The following CDH13 variants were observed in gnomAD, a reference collection of about 807,000 sequenced individuals.
CDH13 encodes cadherin 13, also known as cadherin-13.
Under a neutral mutation model 63.8 loss-of-function variants are expected in CDH13, and 24 were observed. The ratio of observed to expected loss-of-function variants is 0.38; its 90% CI spans 0.27 to 0.53. The LOEUF (loss-of-function observed/expected upper bound fraction) is 0.53. CDH13 is among the 20% of genes least tolerant of loss of function. CDH13 has a pLI of 0.85. For synonymous variants in CDH13, 503 were observed against 355.3 expected, an observed-to-expected ratio of 1.42 and a Z score of -4.67; for missense variants, 1,049 against 903.1, an observed-to-expected ratio of 1.16 and a Z score of -2.07.
chr16:82,766,191 G>C lies in CDH13; in HGVS notation c.46-92171G>C, dbSNP rs1207031037. Among the ~76,000 whole-genome samples the C allele has an allele frequency of 2.6e-5, 4 of 152,266 alleles. No homozygotes were observed. In the East Asian group the frequency reaches 5.8e-4, roughly 22 times the overall value. On this transcript the variant is annotated intron_variant, in intron 1 of 13. Transcript: ENST00000567109. ...GTCTTCTTTAGGCTTCTGCTAAAAA[G>C]TCTTATTCGTGAGATGTCTAGCGTA...
chr16:83,468,886 G>A (rs900159501), intron 6 of CDH13, among the ~76,000 whole-genome samples: 21 of 152,192 alleles, frequency 1.4e-4, no homozygotes, highest in African/African-American at 1.2e-4. Context: ...AGCCCTGCAC[G>A]CATTAGCCCA....
At chr16:83,696,219 TCTTTC>T (rs1258295239) in intron 10 of CDH13, among the ~76,000 whole-genome samples, 1 of 152,202 alleles carries the variant, frequency 6.6e-6, no homozygotes, top group Non-Finnish European at 1.5e-5. Flanking sequence ...GGGAAACATT[TCTTTC>T]CTTTGTTTTG....
At chr16:83,538,082 T>G (rs1035472831) in intron 7 of CDH13, among the ~76,000 whole-genome samples, 2 of 152,162 alleles carry the variant, frequency 1.3e-5, no homozygotes, top group Non-Finnish European at 2.9e-5. Flanking sequence ...TGCGCTATGT[T>G]TTTGCCAGAC....
At chr16:82,747,571 C>T (rs544442900) in intron 1 of CDH13, among the ~76,000 whole-genome samples, 42 of 150,224 alleles carry the variant, frequency 2.8e-4, no homozygotes, top group African/African-American at 9.1e-4. Context: ...AGGTCCGAAT[C>T]AGAAACTTTG....
intron 1 of CDH13, among the ~76,000 whole-genome samples, chr16:82,661,677 A>G (rs901823779): frequency 2.0e-4 from 30 of 152,232 alleles, no homozygotes; most frequent in African/African-American, 5.8e-4. Flanking sequence ...TTACAAATGT[A>G]TGAACTCGTC....
At chr16:82,775,898 T>C (rs376902258) in intron 1 of CDH13, among the ~76,000 whole-genome samples, 6 of 152,034 alleles carry the variant, frequency 3.9e-5, no homozygotes, top group African/African-American at 1.5e-4. Context: ...GATGGAAGTA[T>C]GAAAGGAGCA....
chr16:82,740,819 T>C lies in CDH13; in HGVS notation c.45+113682T>C, dbSNP rs187190201. Among the ~76,000 whole-genome samples, 281 of 152,268 alleles carry C rather than the reference T, an allele frequency of 1.8e-3. 2 individuals are homozygous for C. The highest frequency in any genetic ancestry group is 6.2e-3 in the South Asian group (30 of 4,820). On this transcript the variant is annotated intron_variant, in intron 1 of 13. Coordinates refer to ENST00000567109, the MANE Select transcript of CDH13 (RefSeq NM_001257.5). ...CAATATCAATGGGGGAACATTCTGT[T>C]TGGAAGAACTTCAAAGCCTCATAGC...
chr16:83,775,326 G>A (rs146618038), intron 11 of CDH13, among the ~76,000 whole-genome samples: 7 of 151,862 alleles, frequency 4.6e-5, no homozygotes, highest in Middle Eastern at 6.8e-3. Context: ...GGAGGCAGGG[G>A]CCATGACCTT....
intron 10 of CDH13, among the ~76,000 whole-genome samples, chr16:83,679,884 C>A (rs1385268776): frequency 6.6e-6 from 1 of 152,062 alleles, no homozygotes; most frequent in East Asian, 1.9e-4. Context: ...ATTGCTGGGA[C>A]AACTTGGGAT....
intron 2 of CDH13, among the ~76,000 whole-genome samples, chr16:82,861,856 T>C (rs1034159201): frequency 1.4e-4 from 21 of 152,336 alleles, no homozygotes; most frequent in South Asian, 2.1e-4. Flanking sequence ...ACCAGTGGGC[T>C]CTTCACTGCA....
intron 9 of CDH13, among the ~76,000 whole-genome samples, chr16:83,675,941 A>T (rs1914916921): frequency 6.6e-6 from 1 of 152,234 alleles, no homozygotes. Flanking sequence ...TTTAGAGCCC[A>T]CTATGGTCCT....
intron 7 of CDH13, among the ~76,000 whole-genome samples, chr16:83,571,692 T>C (rs185973068): frequency 7.9e-5 from 12 of 152,290 alleles, no homozygotes; most frequent in African/African-American, 2.9e-4. Flanking sequence ...GGGTAAAGTT[T>C]ATTCTCCCTT....
intron 4 of CDH13, among the ~76,000 whole-genome samples, chr16:83,204,182 T>A (rs2039115050): frequency 6.6e-6 from 1 of 152,178 alleles, no homozygotes; most frequent in Non-Finnish European, 1.5e-5. Context: ...CTGGGTTGAG[T>A]GCTCCTACCC....
chr16:83,781,172 A>T (rs1320226959), intron 12 of CDH13, among the ~76,000 whole-genome samples: 1 of 152,244 alleles, frequency 6.6e-6, no homozygotes, highest in Admixed American at 6.5e-5. Flanking sequence ...GGTGGAATTC[A>T]AAACTTAACC....
At chr16:83,646,977 C>T (rs1002405576) in intron 8 of CDH13, among the ~76,000 whole-genome samples, 4 of 152,074 alleles carry the variant, frequency 2.6e-5, no homozygotes, top group Non-Finnish European at 5.9e-5. Flanking sequence ...ACACCAGGCA[C>T]CTGGGACTGC....
At chr16:82,751,328 G>A (rs1305254620) in intron 1 of CDH13, among the ~76,000 whole-genome samples, 1 of 151,888 alleles carries the variant, frequency 6.6e-6, no homozygotes, top group Non-Finnish European at 1.5e-5. Flanking sequence ...TTTGTGTTTT[G>A]TAAATGAAGC....
intron 5 of CDH13, among the ~76,000 whole-genome samples, chr16:83,232,812 T>C (rs1368905714): frequency 6.6e-6 from 1 of 152,144 alleles, no homozygotes. Flanking sequence ...ACACAAACCC[T>C]CATATTTAGG....
chr16:83,397,460 T>A (rs999089002), intron 6 of CDH13: 1 of 152,200 alleles, frequency 6.6e-6, no homozygotes, highest in African/African-American at 2.4e-5. Context: ...GTGACTTTTA[T>A]AAGGTCTAGT....
intron 1 of CDH13, among the ~76,000 whole-genome samples, chr16:82,761,359 C>T (rs190071968): frequency 7.0e-4 from 106 of 152,084 alleles, no homozygotes; most frequent in African/African-American, 2.4e-3. Context: ...ATATCCAAAT[C>T]ATGTCACAAC....
Sources: gnomAD v4.1 joint callset for allele counts (sites outside exome capture counted in the v4.1 genomes callset) on GRCh38, gnomAD v4.1.1 for gene constraint, MANE v1.5 for transcripts, NCBI Gene and HGNC (gene_info 2026-07-23, HGNC 2026-07-21) for gene names.